The following MAGI2 variants were observed in gnomAD, a reference collection of about 807,000 sequenced individuals.
MAGI2 encodes the protein membrane-associated guanylate kinase, WW and PDZ domain-containing protein 2.
A neutral mutation model predicts 133.3 loss-of-function variants in MAGI2; 35 were observed. The observed-to-expected ratio is 0.26, with a 90% CI of 0.20 to 0.35. MAGI2 has a LOEUF of 0.35. Ranked by LOEUF, MAGI2 falls within the 10% of genes least tolerant of loss-of-function variation. The pLI is 1.00. For synonymous variants in MAGI2, 729 were observed against 710.6 expected (o/e 1.03, Z -0.41); for missense variants, 1,636 against 1,863.4 (o/e 0.88, Z 2.25).
At chr7:78,111,043 G>A (rs951064687) in intron 20 of MAGI2, among the ~76,000 whole-genome samples, 20 of 152,166 alleles carry the variant, frequency 1.3e-4, no homozygotes, top group Non-Finnish European at 2.5e-4. Context: ...TGACTCCCCT[G>A]CTCATCTGCC....
rs545320894 is a variant in MAGI2 at position 78,221,854 on chromosome 7, T to C, written c.2048-20661A>G. Among the ~76,000 whole-genome samples the C allele has an allele frequency of 3.5e-4, 53 of 151,498 alleles. 1 individual carries two copies. In the South Asian group the frequency reaches 0.01, roughly 29 times the overall value. On this transcript the variant is annotated intron_variant, in intron 10 of 21. Coordinates refer to ENST00000354212, the MANE Select transcript of MAGI2 (RefSeq NM_012301.4). ...TGTCTCTATATTGCCTAGGCTGGTC[T>C]TGAACTCTTGGCCTTAAACGATCCT... is the stretch of plus-strand genomic sequence containing the variant.
rs563455350 is a variant in MAGI2 at position 78,720,416 on chromosome 7, T to G, written c.419-93177A>C. On this transcript the variant is annotated intron_variant, in intron 2 of 21. Transcript: ENST00000354212. The stretch of plus-strand genomic sequence containing the variant: ...AAACTGAGGTACAGAATAATTAACT[T>G]GCTCCTAGACACAGCTAGTAAGTGA... 2.0e-5 allele frequency among the ~76,000 whole-genome samples: 3 copies of G among 152,244 alleles called. No individual in the cohort carries two copies. In the South Asian group the frequency reaches 6.2e-4, roughly 32 times the overall value.
chr7:78,821,608 G>A (rs1383342737), intron 2 of MAGI2, among the ~76,000 whole-genome samples: 2 of 151,868 alleles, frequency 1.3e-5, no homozygotes, highest in Non-Finnish European at 2.9e-5. Flanking sequence ...ATTTAAACAT[G>A]TCATGTGAAA....
intron 2 of MAGI2, among the ~76,000 whole-genome samples, chr7:78,725,785 G>A (rs954214126): frequency 2.0e-5 from 3 of 152,172 alleles, no homozygotes; most frequent in African/African-American, 4.8e-5. Flanking sequence ...GGCGTCAGAG[G>A]GAAACTCGGT....
chr7:78,270,498 C>G (rs1488246426), intron 9 of MAGI2, among the ~76,000 whole-genome samples: 1 of 151,932 alleles, frequency 6.6e-6, no homozygotes, highest in Non-Finnish European at 1.5e-5. Flanking sequence ...AGTTGTATTC[C>G]TAGGTATTTT....
intron 1 of MAGI2, among the ~76,000 whole-genome samples, chr7:79,345,318 C>T (rs10254280): frequency 0.019 from 2,845 of 152,210 alleles, 86 homozygotes; most frequent in African/African-American, 0.065. Context: ...AGGAGCACCA[C>T]AGATTGACAG....
At chr7:78,059,897 C>G (rs1813043735) in intron 21 of MAGI2, among the ~76,000 whole-genome samples, 1 of 151,968 alleles carries the variant, frequency 6.6e-6, no homozygotes, top group Admixed American at 6.6e-5. Flanking sequence ...CGTGGCAGCC[C>G]CTTTTCCACA....
chr7:79,447,079 A>G (rs1848906790), intron 1 of MAGI2, among the ~76,000 whole-genome samples: 2 of 152,232 alleles, frequency 1.3e-5, no homozygotes, highest in Non-Finnish European at 2.9e-5. Flanking sequence ...ACAGTCAACA[A>G]TATATATTAA....
At chr7:78,982,200 T>A (rs1804854479) in intron 2 of MAGI2, among the ~76,000 whole-genome samples, 1 of 151,940 alleles carries the variant, frequency 6.6e-6, no homozygotes, top group Admixed American at 6.6e-5. Flanking sequence ...TAAAACATTC[T>A]TTTGAGTTCT....
chr7:78,234,570 C>T (rs866881322), intron 10 of MAGI2, among the ~76,000 whole-genome samples: 4 of 8,896 alleles, frequency 4.5e-4, no homozygotes, highest in African/African-American at 3.7e-4. Context: ...GAATATTTTT[C>T]ATATTCATTA....
intron 21 of MAGI2, among the ~76,000 whole-genome samples, chr7:78,034,480 C>T (rs1003455222): frequency 6.6e-5 from 10 of 152,136 alleles, no homozygotes; most frequent in Non-Finnish European, 1.0e-4. Flanking sequence ...GCACTTCCAG[C>T]TCTTGCCTAC....
chr7:78,570,937 T>TTC (rs112201329), intron 3 of MAGI2, among the ~76,000 whole-genome samples: 2,129 of 152,282 alleles, frequency 0.014, 44 homozygotes, highest in African/African-American at 0.048. Flanking sequence ...TATTGATCTC[T>TTC]TCTTTTTAAG....
chr7:78,852,301 T>A (rs780095359), intron 2 of MAGI2, among the ~76,000 whole-genome samples: 1 of 152,088 alleles, frequency 6.6e-6, no homozygotes, highest in Admixed American at 6.6e-5. Context: ...TTATTATGAA[T>A]ATCAAATTTT....
At chr7:78,657,439 TAA>T (rs1410575288) in intron 2 of MAGI2, among the ~76,000 whole-genome samples, 1 of 152,146 alleles carries the variant, frequency 6.6e-6, no homozygotes, top group Non-Finnish European at 1.5e-5. Flanking sequence ...CTTTAGTAGG[TAA>T]ATGGATAAAC....
chr7:79,380,247 A>G (rs1312629830), intron 1 of MAGI2, among the ~76,000 whole-genome samples: 3 of 151,902 alleles, frequency 2.0e-5, no homozygotes, highest in Non-Finnish European at 4.4e-5. Flanking sequence ...CAATCTACTC[A>G]TCTGACAAAG....
At chr7:78,222,673 C>T (rs932407674) in intron 10 of MAGI2, among the ~76,000 whole-genome samples, 1 of 152,178 alleles carries the variant, frequency 6.6e-6, no homozygotes, top group South Asian at 2.1e-4. Context: ...AAGGCCCCAT[C>T]TCTGATTGCT....
intron 1 of MAGI2, among the ~76,000 whole-genome samples, chr7:79,047,459 A>T (rs868095840): frequency 6.6e-6 from 1 of 152,146 alleles, no homozygotes; most frequent in Non-Finnish European, 1.5e-5. Flanking sequence ...ACCTACTATT[A>T]TGGAAATATA....
intron 16 of MAGI2, among the ~76,000 whole-genome samples, chr7:78,136,112 CT>C (rs1387977788): frequency 1.5e-5 from 2 of 135,490 alleles, no homozygotes; most frequent in South Asian, 2.5e-4. Context: ...TCTTTTCTTT[CT>C]TTCTTCTTTT....
chr7:78,738,439 T>C (rs1822079129), intron 2 of MAGI2, among the ~76,000 whole-genome samples: 1 of 152,176 alleles, frequency 6.6e-6, no homozygotes, highest in African/African-American at 2.4e-5. Context: ...GGTAAAAACA[T>C]TTGACTTCCT....
Sources: gnomAD v4.1 joint callset for allele counts (sites outside exome capture counted in the v4.1 genomes callset) on GRCh38, gnomAD v4.1.1 for gene constraint, MANE v1.5 for transcripts, NCBI Gene and HGNC (gene_info 2026-07-23, HGNC 2026-07-21) for gene names.